Variants in DLG2 observed in about 807,000 individuals in gnomAD.
DLG2 encodes disks large homolog 2.
In DLG2, 45 loss-of-function variants were observed where a neutral mutation model predicts 132.5. The observed-to-expected ratio is 0.34, with a 90% CI of 0.27 to 0.44. The LOEUF (loss-of-function observed/expected upper bound fraction) is 0.44. Among genes scored for constraint, DLG2 ranks in the 20% least tolerant of loss-of-function variants. The pLI, the probability that DLG2 is intolerant of heterozygous loss-of-function variation, is 1.00. For missense variants in DLG2, 1,045 were observed against 1,196.9 expected (o/e 0.87, Z 1.87); for synonymous variants, 424 against 419.6 (o/e 1.01, Z -0.13).
chr11:85,520,888 C>A (rs2074256730), intron 3 of DLG2, among the ~76,000 whole-genome samples: 1 of 151,848 alleles, frequency 6.6e-6, no homozygotes, highest in African/African-American at 2.4e-5. Flanking sequence ...ACTTAAATAC[C>A]AAGGCTTCAA....
At chr11:83,703,200 A>G (rs2083271841) in intron 18 of DLG2, among the ~76,000 whole-genome samples, 1 of 152,220 alleles carries the variant, frequency 6.6e-6, no homozygotes, top group Non-Finnish European at 1.5e-5. Flanking sequence ...TATAAAGGGA[A>G]TCTCTCTGAC....
chr11:85,213,504 G>C (rs2082382087), intron 4 of DLG2, among the ~76,000 whole-genome samples: 1 of 152,132 alleles, frequency 6.6e-6, no homozygotes, highest in Non-Finnish European at 1.5e-5. Context: ...AATCAGTAGA[G>C]AGGAATGTCT....
At chr11:84,346,424 T>C (rs1165576686) in intron 7 of DLG2, among the ~76,000 whole-genome samples, 3 of 152,194 alleles carry the variant, frequency 2.0e-5, no homozygotes, top group Non-Finnish European at 4.4e-5. Flanking sequence ...GTTAGCTGGG[T>C]AAAAAAGTGG....
chr11:85,093,999 G>A lies in DLG2; in HGVS notation c.357+17662C>T, dbSNP rs532975526. ...ACCATGATGCAACTAATATGATGCA[G>A]CTATCCTGCATACAACTGAAAATTC... is the stretch of plus-strand genomic sequence containing the variant. On this transcript the variant is annotated intron_variant, in intron 6 of 27. Transcript: ENST00000376104. Among the ~76,000 whole-genome samples the A allele has an allele frequency of 1.2e-4, 18 of 152,316 alleles. 1 individual carries two copies. The South Asian group carries it at 3.5e-3, about 30-fold the overall frequency.
chr11:83,857,361 TG>T (rs1025058015), intron 16 of DLG2, among the ~76,000 whole-genome samples: 13 of 152,330 alleles, frequency 8.5e-5, no homozygotes, highest in Middle Eastern at 3.4e-3. Context: ...AAGAATCTCA[TG>T]GTAGTTTAAC....
intron 18 of DLG2, chr11:83,647,240 GGGAGTGAAGGGA>G (rs1254170934): frequency 2.0e-5 from 3 of 151,696 alleles, no homozygotes; most frequent in Non-Finnish European, 4.4e-5. Context: ...ACCAGGTTCT[GGGAGTGAAGGGA>G]GGAGTGGGGC....
At chr11:84,961,190 T>C (rs1438140880) in intron 6 of DLG2, among the ~76,000 whole-genome samples, 3 of 151,538 alleles carry the variant, frequency 2.0e-5, no homozygotes, top group African/African-American at 7.3e-5. Flanking sequence ...TCACGTGATC[T>C]ACACAAGCTC....
At chr11:85,027,767 T>G (rs2060658403) in intron 6 of DLG2, among the ~76,000 whole-genome samples, 1 of 152,186 alleles carries the variant, frequency 6.6e-6, no homozygotes, top group Non-Finnish European at 1.5e-5. Flanking sequence ...ACTGGGAAGC[T>G]TGGAGACACC....
chr11:85,537,216 ATCAGCTCTCTGTAAAATGGACCAG>A, intron 3 of DLG2, among the ~76,000 whole-genome samples: 1 of 152,144 alleles, frequency 6.6e-6, no homozygotes, highest in African/African-American at 2.4e-5. Context: ...AAACGGACCA[ATCAGCTCTCTGTAAAATGGACCAG>A]TCAGCTCTCT....
intron 13 of DLG2, among the ~76,000 whole-genome samples, chr11:83,964,082 C>T (rs1392161668): frequency 6.6e-5 from 10 of 151,968 alleles, no homozygotes; most frequent in Non-Finnish European, 8.8e-5. Context: ...ATTCTATCTC[C>T]TCTGCATCCC....
rs552039748 is a variant in DLG2, at chr11:83,696,949, T to C, written c.1826-63624A>G. ...TAGTAAACAGAAATATAATTTCCCT[T>C]TCTGTGGTTCAATGCTGCTAAAAGC... On this transcript the variant is annotated intron_variant, in intron 18 of 27. Coordinates refer to ENST00000376104, the MANE Select transcript of DLG2 (RefSeq NM_001142699.3). Among the ~76,000 whole-genome samples, 4 of 152,352 alleles carry C rather than the reference T, an allele frequency of 2.6e-5. No individual in the cohort carries two copies. In the South Asian group the frequency reaches 8.3e-4, roughly 32 times the overall value.
chr11:83,725,255 G>T (rs751746165), intron 18 of DLG2: 62 of 224,174 alleles, frequency 2.8e-4, no homozygotes, highest in Non-Finnish European at 3.1e-4. Context: ...GCTGCTGAAG[G>T]ACGCCAGGAA....
At chr11:84,999,024 G>C (rs1378570000) in intron 6 of DLG2, among the ~76,000 whole-genome samples, 4 of 151,728 alleles carry the variant, frequency 2.6e-5, no homozygotes, top group Admixed American at 2.0e-4. Context: ...AGAGTGCAGA[G>C]TTCTTGCATC....
intron 6 of DLG2, among the ~76,000 whole-genome samples, chr11:85,000,298 C>G (rs1382638189): frequency 2.6e-5 from 4 of 152,140 alleles, no homozygotes; most frequent in Admixed American, 1.3e-4. Context: ...AATTTTATAA[C>G]TAGGTCCAGA....
In DLG2 at chr11:85,019,465, ATTAT is replaced by A. The variant is rs932593446; in HGVS notation, c.357+92192_357+92195del. On this transcript the variant is annotated intron_variant, in intron 6 of 27. Transcript: ENST00000376104. ...AAGATTTCTTTTTTATTATTATTTTATTATTTATTTATTTTTCATTATACTTTAA... is the reference window on the plus strand; with the variant it reads ...AAGATTTCTTTTTTATTATTATTTTATTATTTATTTTTCATTATACTTTAA... Among the ~76,000 whole-genome samples the A allele has an allele frequency of 2.6e-5, 4 of 151,942 alleles. No individual in the cohort carries two copies. In the East Asian group the frequency reaches 7.7e-4, roughly 29 times the overall value.
chr11:83,674,876 T>C (rs2077421876), intron 18 of DLG2, among the ~76,000 whole-genome samples: 1 of 152,186 alleles, frequency 6.6e-6, no homozygotes. Context: ...AGAAGCTAGA[T>C]AGAAAAATGA....
At chr11:84,808,287 G>A (rs1465309159) in intron 6 of DLG2, among the ~76,000 whole-genome samples, 1 of 152,020 alleles carries the variant, frequency 6.6e-6, no homozygotes, top group African/African-American at 2.4e-5. Context: ...TTCAGTGACT[G>A]AAAATCAGAA....
chr11:84,461,794 GT>G (rs1394575522), intron 7 of DLG2, among the ~76,000 whole-genome samples: 1 of 150,666 alleles, frequency 6.6e-6, no homozygotes, highest in Non-Finnish European at 1.5e-5. Flanking sequence ...CCAGTTTATA[GT>G]TTTTTTCCTG....
At position 83,881,991 on chromosome 11, in the gene DLG2, A is replaced by G. The variant is rs545648480; in HGVS notation, c.1497-7503T>C. Among the ~76,000 whole-genome samples the G allele has an allele frequency of 1.1e-3, 173 of 152,118 alleles. 3 individuals are homozygous for G. The highest frequency in any genetic ancestry group is 3.9e-3 in the African/African-American group (163 of 41,536). ...AGATAAGATCAAAAAATATTATAAA[A>G]TAAAGAATTTTTCACTTAGTTCACT... On this transcript the variant is annotated intron_variant, in intron 15 of 27. Transcript: ENST00000376104.
Sources: gnomAD v4.1 joint callset for allele counts (sites outside exome capture counted in the v4.1 genomes callset) on GRCh38, gnomAD v4.1.1 for gene constraint, MANE v1.5 for transcripts, NCBI Gene and HGNC (gene_info 2026-07-23, HGNC 2026-07-21) for gene names.